The following DCC variants were observed in gnomAD, a reference collection of about 807,000 sequenced individuals.
The protein encoded by DCC is netrin receptor DCC.
In DCC, 58 loss-of-function variants were observed where a neutral mutation model predicts 172.5. That is an observed-to-expected ratio of 0.34 (90% CI 0.27 to 0.42). The LOEUF is 0.42. DCC is among the 10% of genes least tolerant of loss of function. The pLI, the probability that DCC is intolerant of heterozygous loss-of-function variation, is 1.00. For synonymous variants in DCC, 709 were observed against 644.5 expected, an observed-to-expected ratio of 1.10 and a Z score of -1.52; for missense variants, 1,740 against 1,791.0, an observed-to-expected ratio of 0.97 and a Z score of 0.51.
chr18:52,830,445 T>C (rs1336227764), intron 2 of DCC, among the ~76,000 whole-genome samples: 2 of 152,136 alleles, frequency 1.3e-5, no homozygotes, highest in African/African-American at 4.8e-5. Context: ...AGTGAGGAAA[T>C]GGATGTCTTA....
At chr18:53,086,917 C>A (rs1291152855) in intron 7 of DCC, among the ~76,000 whole-genome samples, 2 of 151,594 alleles carry the variant, frequency 1.3e-5, no homozygotes, top group East Asian at 3.9e-4. Context: ...CATGTCCCTA[C>A]AAAGGACATG....
At chr18:53,027,116 A>G (rs956175806) in intron 5 of DCC, among the ~76,000 whole-genome samples, 42 of 152,096 alleles carry the variant, frequency 2.8e-4, no homozygotes, top group African/African-American at 9.7e-4. Flanking sequence ...CATGTCTCTT[A>G]TTCCTCACCA....
At chr18:52,477,373 G>A (rs950050025) in intron 1 of DCC, among the ~76,000 whole-genome samples, 14 of 152,144 alleles carry the variant, frequency 9.2e-5, no homozygotes, top group African/African-American at 3.4e-4. Flanking sequence ...GGGGAAGGTA[G>A]CATCGTTTTA....
At chr18:52,359,418 C>A (rs939850072) in intron 1 of DCC, among the ~76,000 whole-genome samples, 1 of 152,104 alleles carries the variant, frequency 6.6e-6, no homozygotes, top group African/African-American at 2.4e-5. Context: ...CTCAAAGACT[C>A]GATTTCTCAG....
At chr18:53,094,924 A>C (rs1173792990) in intron 7 of DCC, among the ~76,000 whole-genome samples, 1 of 152,208 alleles carries the variant, frequency 6.6e-6, no homozygotes, top group Non-Finnish European at 1.5e-5. Flanking sequence ...ATGTAATAAC[A>C]TTAATTTAGA....
chr18:52,784,543 G>A (rs144352440), intron 2 of DCC, among the ~76,000 whole-genome samples: 2 of 151,992 alleles, frequency 1.3e-5, no homozygotes, highest in East Asian at 1.9e-4. Context: ...AGTATATACG[G>A]GTTCAATTTT....
chr18:53,056,954 T>C (rs2042413724), intron 5 of DCC, among the ~76,000 whole-genome samples: 1 of 151,980 alleles, frequency 6.6e-6, no homozygotes, highest in African/African-American at 2.4e-5. Flanking sequence ...ATATAGTGTT[T>C]TCAAAGTTCA....
chr18:53,446,910 A>G (rs1453908571), intron 22 of DCC, among the ~76,000 whole-genome samples: 1 of 152,164 alleles, frequency 6.6e-6, no homozygotes, highest in African/African-American at 2.4e-5. Flanking sequence ...AGTGCTTTCT[A>G]GGTTCCTAAA....
intron 14 of DCC, among the ~76,000 whole-genome samples, chr18:53,337,569 T>C (rs1352783931): frequency 6.6e-6 from 1 of 152,256 alleles, no homozygotes; most frequent in African/African-American, 2.4e-5. Flanking sequence ...TTATGATGTC[T>C]TTGCATATTA....
chr18:53,433,754 G>A (rs987944733), intron 21 of DCC, among the ~76,000 whole-genome samples: 26 of 152,052 alleles, frequency 1.7e-4, no homozygotes, highest in African/African-American at 6.0e-4. Context: ...CATTTTGATT[G>A]TTCCTCTCAC....
chr18:53,513,314 G>A (rs369309320), intron 27 of DCC, among the ~76,000 whole-genome samples: 28 of 152,230 alleles, frequency 1.8e-4, no homozygotes, highest in East Asian at 1.4e-3. Flanking sequence ...TGAAGGAAGC[G>A]CTAAACATGG....
chr18:52,506,068 T>C (rs1405542050), intron 1 of DCC, among the ~76,000 whole-genome samples: 1 of 151,858 alleles, frequency 6.6e-6, no homozygotes, highest in African/African-American at 2.4e-5. Context: ...ATCATCCTTC[T>C]ATATTACCTA....
At chr18:53,243,837 A>C (rs998236738) in intron 12 of DCC, among the ~76,000 whole-genome samples, 3 of 152,184 alleles carry the variant, frequency 2.0e-5, no homozygotes, top group African/African-American at 7.2e-5. Context: ...TGGAAACATA[A>C]AAGTCTTCTC....
chr18:52,881,577 C>A (rs1224308022), intron 2 of DCC, among the ~76,000 whole-genome samples: 3 of 151,886 alleles, frequency 2.0e-5, no homozygotes. Flanking sequence ...TATCCAGTTT[C>A]CCACCACCGT....
Position 53,293,395 on chromosome 18 carries a change from T to C in DCC, c.1912-12183T>C, listed in dbSNP as rs139086769. Among the ~76,000 whole-genome samples, 696 of 152,356 alleles carry C rather than the reference T, an allele frequency of 4.6e-3. 5 individuals carry two copies. The highest frequency in any genetic ancestry group is 0.016 in the African/African-American group (653 of 41,592). ...AAAAATTAAGAAGACCTCCAACATG[T>C]TTCTGTACATCTGTGCCTAGGATCT... On this transcript the variant is annotated intron_variant, in intron 12 of 28. Coordinates refer to ENST00000442544, the MANE Select transcript of DCC (RefSeq NM_005215.4).
intron 2 of DCC, among the ~76,000 whole-genome samples, chr18:52,807,240 G>A (rs997834326): frequency 2.6e-5 from 4 of 152,084 alleles, no homozygotes; most frequent in African/African-American, 9.7e-5. Context: ...AGGTCACATA[G>A]GCATTATACT....
chr18:53,455,124 C>T (rs2045467883), intron 23 of DCC, among the ~76,000 whole-genome samples: 1 of 152,176 alleles, frequency 6.6e-6, no homozygotes, highest in Non-Finnish European at 1.5e-5. Flanking sequence ...TTCACACTCA[C>T]TTCAAGCTTC....
chr18:53,203,388 C>A (rs1439869861), intron 9 of DCC, among the ~76,000 whole-genome samples: 1 of 151,818 alleles, frequency 6.6e-6, no homozygotes, highest in East Asian at 1.9e-4. Context: ...TTATTTAATA[C>A]CTTTTTAATG....
chr18:53,020,926 G>A (rs916288215), intron 5 of DCC, among the ~76,000 whole-genome samples: 1 of 152,176 alleles, frequency 6.6e-6, no homozygotes, highest in African/African-American at 2.4e-5. Context: ...TAGAAGAAAA[G>A]CAGGTTCCAA....
Sources: allele counts gnomAD v4.1 joint callset (sites outside exome capture counted in the v4.1 genomes callset), GRCh38; gene constraint gnomAD v4.1.1; transcripts MANE v1.5; gene names NCBI Gene and HGNC (gene_info 2026-07-23, HGNC 2026-07-21).